Variants in ENG observed in about 807,000 individuals in gnomAD.
The protein encoded by ENG is endoglin.
In ENG, 17 loss-of-function variants were observed where a neutral mutation model predicts 71.0. The ratio of observed to expected loss-of-function variants is 0.24; its 90% CI spans 0.16 to 0.36. The LOEUF (loss-of-function observed/expected upper bound fraction) is 0.36. Ranked by LOEUF, ENG falls within the 10% of genes least tolerant of loss-of-function variation. ENG has a pLI of 1.00. For missense variants in ENG, 749 were observed against 868.3 expected, an observed-to-expected ratio of 0.86 and a Z score of 1.73; for synonymous variants, 360 against 366.9, an observed-to-expected ratio of 0.98 and a Z score of 0.21.
At chr9:127,820,494 A>G (rs1830443651) in intron 8 of ENG, among the ~76,000 whole-genome samples, 1 of 150,992 alleles carries the variant, frequency 6.6e-6, no homozygotes. Flanking sequence ...CGCCTGGCCA[A>G]ATTTTCTTAT....
chr9:127,843,331 G>C, intron 1 of ENG, 86 bp from the exon 2 acceptor site: 1 of 1,576,262 alleles, frequency 6.3e-7, no homozygotes, highest in South Asian at 1.1e-5. Context: ...CTAGGGACTT[G>C]ACATGAGCTA....
chr9:127,841,943 G>C (rs953713941), intron 2 of ENG, among the ~76,000 whole-genome samples: 8 of 152,232 alleles, frequency 5.3e-5, no homozygotes, highest in African/African-American at 1.7e-4. Flanking sequence ...GACCCTGGCA[G>C]ATGAGCCTTG....
chr9:127,818,249 C>G lies in ENG; in HGVS notation c.1557G>C (p.Leu519=), dbSNP rs147428654. The G allele has an allele frequency of 6.2e-7, 1 of 1,614,074 alleles. No individual in the cohort carries two copies. The highest frequency in any genetic ancestry group is 1.3e-5 in the African/African-American group (1 of 74,932). ...GGTCACCCTCGGGGCTTGGGGACAG[C>G]AGGCTCACACAGTTGCCCTTGGCCG... ...GRAAKGNCVS[L]LSPSPEGDPR... The change falls in exon 12 of 15, where the codon CTG becomes CTC. Residue 519 remains leucine, a synonymous_variant. Transcript: ENST00000373203.
In ENG at chr9:127,824,969, A is replaced by G. The variant is rs2131887195; in HGVS notation, c.822T>C (p.Thr274=). Residue 274 remains threonine, a synonymous_variant, in exon 7 of 15, where the codon ACT becomes ACC. Transcript: ENST00000373203. ...GAAAGATCTTGAAGGAGTATTCTCCAGTGGTCTAATGGTGGGGAGAGAGGC... is the reference window on the plus strand; with the variant it reads ...GAAAGATCTTGAAGGAGTATTCTCCGGTGGTCTAATGGTGGGGAGAGAGGC... ...DANHNMQIWT[T]GEYSFKIFPE... 1 of 1,613,144 alleles carries G rather than the reference A, an allele frequency of 6.2e-7. No homozygotes were observed. Among genetic ancestry groups the G allele is most frequent in the Non-Finnish European group, 8.5e-7 (1 of 1,179,872 alleles).
At chr9:127,820,984 T>G (rs1830455259) in intron 8 of ENG, among the ~76,000 whole-genome samples, 2 of 152,200 alleles carry the variant, frequency 1.3e-5, no homozygotes, top group African/African-American at 4.8e-5. Flanking sequence ...AATACTGTCA[T>G]GCACCATGGG....
In ENG at chr9:127,819,989, C is replaced by T; in HGVS notation, c.1183G>A (p.Glu395Lys). Reference protein sequence around the residue: ...TGLTFWDPSCEAEDRGDKFVL... With the variant: ...TGLTFWDPSCKAEDRGDKFVL... ...AACTTGTCACCCCTGTCCTCTGCCT[C>T]ACAGCTGGGGTCCCAGAAGGTCAGG... The change falls in exon 9 of 15, where the codon GAG (glutamate) becomes AAG (lysine). Residue 395 changes from glutamate to lysine, a missense_variant. Glu to Lys is a moderately conservative substitution (Grantham distance 56). Coordinates refer to ENST00000373203, the MANE Select transcript of ENG (RefSeq NM_001114753.3). The T allele has an allele frequency of 1.2e-6, 2 of 1,614,210 alleles. No homozygotes were observed. The highest frequency in any genetic ancestry group is 2.7e-5 in the African/African-American group (2 of 75,072).
chr9:127,835,244 C>T (rs1703420958), intron 2 of ENG, among the ~76,000 whole-genome samples: 1 of 152,054 alleles, frequency 6.6e-6, no homozygotes, highest in Non-Finnish European at 1.5e-5. Flanking sequence ...AACAATCCAC[C>T]CACCTCGGCC....
chr9:127,840,026 T>C (rs1039118558), intron 2 of ENG, among the ~76,000 whole-genome samples: 3 of 152,230 alleles, frequency 2.0e-5, no homozygotes, highest in African/African-American at 7.2e-5. Context: ...CGCTGAGCCG[T>C]CACTCCAGGC....
At chr9:127,835,450 A>G (rs1830878075) in intron 2 of ENG, among the ~76,000 whole-genome samples, 1 of 152,048 alleles carries the variant, frequency 6.6e-6, no homozygotes, top group African/African-American at 2.4e-5. Flanking sequence ...CCCAACCTGG[A>G]GGAAAGAATT....
chr9:127,821,201 G>A (rs1169378674), intron 8 of ENG: 1 of 152,190 alleles, frequency 6.6e-6, no homozygotes, highest in African/African-American at 2.4e-5. Context: ...GTAGGCAGAG[G>A]CAGGCAGATC....
At chr9:127,842,537 G>A (rs1831061223) in intron 2 of ENG, among the ~76,000 whole-genome samples, 3 of 151,912 alleles carry the variant, frequency 2.0e-5, no homozygotes, top group African/African-American at 7.3e-5. Context: ...CAATTCTCCT[G>A]CCTCAGCCTC....
At chr9:127,848,987 G>C (rs1462840792) in intron 1 of ENG, among the ~76,000 whole-genome samples, 1 of 152,028 alleles carries the variant, frequency 6.6e-6, no homozygotes, top group Non-Finnish European at 1.5e-5. Context: ...CTGTTCCCCT[G>C]GTCACCTGCT....
At chr9:127,844,107 A>G (rs1264693735) in intron 1 of ENG, among the ~76,000 whole-genome samples, 1 of 146,722 alleles carries the variant, frequency 6.8e-6, no homozygotes, top group Admixed American at 6.9e-5. Context: ...TATTTTTAAA[A>G]ATTATTTTTT....
intron 2 of ENG, among the ~76,000 whole-genome samples, chr9:127,832,322 G>A (rs1045155990): frequency 4.6e-5 from 7 of 151,484 alleles, no homozygotes; most frequent in Admixed American, 1.3e-4. Flanking sequence ...TGATCTGCCC[G>A]CCTCGGCCTC....
chr9:127,852,647 A>G (rs1829058164), intron 1 of ENG, among the ~76,000 whole-genome samples: 1 of 151,228 alleles, frequency 6.6e-6, no homozygotes, highest in African/African-American at 2.4e-5. Flanking sequence ...TACACCCCTG[A>G]CTGTCATCTC....
rs1830434026 is a variant in ENG, at chr9:127,819,978, G to A, written c.1194C>T (p.Asp398=). Residue 398 remains aspartate, a synonymous_variant, in exon 9 of 15, where the codon GAC becomes GAT. Coordinates refer to ENST00000373203, the MANE Select transcript of ENG (RefSeq NM_001114753.3). The stretch of plus-strand genomic sequence containing the variant: ...TGCGCAAGACAAACTTGTCACCCCT[G>A]TCCTCTGCCTCACAGCTGGGGTCCC... ...TFWDPSCEAE[D]RGDKFVLRSA... is the part of the protein sequence containing the mutation. The A allele has an allele frequency of 6.2e-6, 10 of 1,614,186 alleles. No homozygotes were observed. The highest frequency in any genetic ancestry group is 8.5e-6 in the Non-Finnish European group (10 of 1,180,040).
chr9:127,834,712 T>G (rs2131903744), intron 2 of ENG, among the ~76,000 whole-genome samples: 1 of 150,560 alleles, frequency 6.6e-6, no homozygotes, highest in Middle Eastern at 3.4e-3. Context: ...CTAATTTTTG[T>G]ATTTTTAGTG....
intron 1 of ENG, among the ~76,000 whole-genome samples, chr9:127,850,510 G>A (rs141608682): frequency 1.6e-4 from 25 of 152,328 alleles, no homozygotes; most frequent in African/African-American, 5.5e-4. Flanking sequence ...CACGTCCCCC[G>A]TGTCTCGGGG....
At chr9:127,839,557 G>T (rs1036959083) in intron 2 of ENG, among the ~76,000 whole-genome samples, 1 of 151,916 alleles carries the variant, frequency 6.6e-6, no homozygotes, top group Admixed American at 6.6e-5. Flanking sequence ...TCTTTTTTTT[G>T]TTGTTGTTTT....
Sources: allele counts gnomAD v4.1 joint callset (sites outside exome capture counted in the v4.1 genomes callset), GRCh38; gene constraint gnomAD v4.1.1; transcripts MANE v1.5; gene names NCBI Gene and HGNC (gene_info 2026-07-23, HGNC 2026-07-21).